Variants in ESRRG observed in about 807,000 individuals in gnomAD.
ESRRG encodes estrogen related receptor gamma, also known as estrogen-related receptor gamma.
In ESRRG, 13 loss-of-function variants were observed where a neutral mutation model predicts 44.0. That is an observed-to-expected ratio of 0.30 (90% CI 0.19 to 0.47). The LOEUF (loss-of-function observed/expected upper bound fraction) is 0.47. Among genes scored for constraint, ESRRG ranks in the 20% least tolerant of loss-of-function variants. The pLI is 1.00. For missense variants in ESRRG, 395 were observed against 580.6 expected, an observed-to-expected ratio of 0.68 and a Z score of 3.29; for synonymous variants, 215 against 214.6, an observed-to-expected ratio of 1.00 and a Z score of -0.02.
At chr1:217,045,858 A>C (rs529282565) in intron 1 of ESRRG, among the ~76,000 whole-genome samples, 1 of 152,288 alleles carries the variant, frequency 6.6e-6, no homozygotes, top group African/African-American at 2.4e-5. Flanking sequence ...GTTTCTTTTG[A>C]AATATGTAAT....
At chr1:216,852,550 G>A (rs528145708) in intron 2 of ESRRG, among the ~76,000 whole-genome samples, 4 of 151,964 alleles carry the variant, frequency 2.6e-5, no homozygotes, top group Admixed American at 2.6e-4. Flanking sequence ...ACTCCTGAAA[G>A]GCAAGAAAAA....
intron 3 of ESRRG, among the ~76,000 whole-genome samples, chr1:216,629,176 C>T (rs2063687752): frequency 6.6e-6 from 1 of 152,132 alleles, no homozygotes; most frequent in Admixed American, 6.5e-5. Flanking sequence ...ACCTAGATTA[C>T]CACTTGGAAC....
rs147284774 is a variant in ESRRG at position 217,074,808 on chromosome 1, A to G, written c.-106+14699T>C. 2.7e-3 allele frequency among the ~76,000 whole-genome samples: 405 copies of G among 152,312 alleles called. 2 individuals are homozygous for G. The highest frequency in any genetic ancestry group is 9.0e-3 in the African/African-American group (376 of 41,558). On this transcript the variant is annotated intron_variant, in intron 1 of 7. Coordinates refer to the ESRRG transcript ENST00000359162. ...CTTTTTAAAAGTAAAACACTATACT[A>G]TGTTACAAAATGAATCACCATCTCC...
intron 1 of ESRRG, among the ~76,000 whole-genome samples, chr1:216,697,791 C>G (rs2080481080): frequency 6.6e-6 from 1 of 152,196 alleles, no homozygotes; most frequent in Non-Finnish European, 1.5e-5. Flanking sequence ...AACTGCTTAG[C>G]TACATTCAAC....
chr1:216,850,897 A>G (rs978406469), intron 2 of ESRRG, among the ~76,000 whole-genome samples: 2 of 152,010 alleles, frequency 1.3e-5, no homozygotes, highest in East Asian at 3.9e-4. Flanking sequence ...AGATAATATC[A>G]CAATATTTTA....
In ESRRG at chr1:217,053,465, A is replaced by AAAAGAAAGAAAGAAAGAAAG. The variant is rs3072270; in HGVS notation, c.-106+36022_-106+36041dup. On this transcript the variant is annotated intron_variant, in intron 1 of 7. Transcript: ENST00000359162. ...GTGAGATTCTGTCCCAAAGCCAAAA[A>AAAAGAAAGAAAGAAAGAAAG]AAAGAAAGAAAGAAAGAAAGAAAGA... 7.0e-3 allele frequency among the ~76,000 whole-genome samples: 1,022 copies of AAAAGAAAGAAAGAAAGAAAG among 145,608 alleles called. 15 individuals carry two copies. The highest frequency in any genetic ancestry group is 0.027 in the Admixed American group (393 of 14,448).
intron 2 of ESRRG, among the ~76,000 whole-genome samples, chr1:216,766,706 T>C (rs2093096792): frequency 6.6e-6 from 1 of 152,096 alleles, no homozygotes; most frequent in African/African-American, 2.4e-5. Flanking sequence ...TTAATTTTTA[T>C]CAGAAGTTAC....
At chr1:217,076,833 C>T (rs570689586) in intron 1 of ESRRG, 1 of 152,146 alleles carries the variant, frequency 6.6e-6, no homozygotes, top group African/African-American at 2.4e-5. Context: ...CTTTTTGTTT[C>T]TAAAATAAAG....
intron 2 of ESRRG, among the ~76,000 whole-genome samples, chr1:216,668,103 T>C (rs60765043): frequency 9.7e-4 from 148 of 151,896 alleles, no homozygotes; most frequent in African/African-American, 3.5e-3. Context: ...TCTCAAAAAA[T>C]AAATAAATAA....
chr1:217,074,892 G>A (rs1486972044), intron 1 of ESRRG, among the ~76,000 whole-genome samples: 1 of 152,222 alleles, frequency 6.6e-6, no homozygotes, highest in Admixed American at 6.5e-5. Flanking sequence ...AAACAATGGT[G>A]TGAATAGTGT....
chr1:216,638,089 A>G (rs752325574), intron 3 of ESRRG, among the ~76,000 whole-genome samples: 1 of 152,180 alleles, frequency 6.6e-6, no homozygotes, highest in Non-Finnish European at 1.5e-5. Context: ...ACTAAAATAC[A>G]AACAGTTCCT....
At chr1:216,972,796 C>G (rs1014657179) in intron 1 of ESRRG, among the ~76,000 whole-genome samples, 3 of 152,052 alleles carry the variant, frequency 2.0e-5, no homozygotes, top group African/African-American at 7.2e-5. Flanking sequence ...GCAACAAGAA[C>G]AAAGTAAATA....
intron 6 of ESRRG, among the ~76,000 whole-genome samples, chr1:216,516,470 C>A (rs995808708): frequency 3.3e-5 from 5 of 151,912 alleles, no homozygotes; most frequent in Non-Finnish European, 5.9e-5. Context: ...TGAATAAAGA[C>A]CAATGTTTAA....
intron 1 of ESRRG, among the ~76,000 whole-genome samples, chr1:216,682,492 A>G (rs2077190121): frequency 6.6e-6 from 1 of 152,186 alleles, no homozygotes; most frequent in African/African-American, 2.4e-5. Context: ...ATACAAATAC[A>G]GAGATAAGAA....
intron 2 of ESRRG, among the ~76,000 whole-genome samples, chr1:216,935,562 C>T (rs1199932451): frequency 6.6e-6 from 1 of 152,018 alleles, no homozygotes; most frequent in Admixed American, 6.6e-5. Context: ...AGAAGCTCCC[C>T]ATGTTCAGCA....
intron 2 of ESRRG, among the ~76,000 whole-genome samples, chr1:216,675,435 G>T (rs1386771929): frequency 6.6e-6 from 1 of 152,106 alleles, no homozygotes; most frequent in Non-Finnish European, 1.5e-5. Flanking sequence ...ATCATGTTTT[G>T]TGAAAATATT....
At chr1:217,134,721 G>C (rs1460617725) in intron 1 of ESRRG, among the ~76,000 whole-genome samples, 1 of 152,204 alleles carries the variant, frequency 6.6e-6, no homozygotes, top group East Asian at 1.9e-4. Flanking sequence ...GCGCGGCTAC[G>C]TTTCTCTTGC....
intron 1 of ESRRG, among the ~76,000 whole-genome samples, chr1:216,954,478 G>T (rs1433080942): frequency 6.6e-6 from 1 of 151,938 alleles, no homozygotes; most frequent in African/African-American, 2.4e-5. Context: ...GATGAATCTT[G>T]GCCTCTTCTA....
intron 1 of ESRRG, among the ~76,000 whole-genome samples, chr1:216,940,592 CGGGTG>C (rs1373928539): frequency 1.3e-5 from 2 of 152,062 alleles, no homozygotes; most frequent in African/African-American, 4.8e-5. Context: ...AATAATTACT[CGGGTG>C]GCACCAGGCC....
Sources: allele counts gnomAD v4.1 joint callset (sites outside exome capture counted in the v4.1 genomes callset), GRCh38; gene constraint gnomAD v4.1.1; transcripts MANE v1.5; gene names NCBI Gene and HGNC (gene_info 2026-07-23, HGNC 2026-07-21).